COL11A2: variants seen among roughly 807,000 people sequenced by gnomAD.
The protein encoded by COL11A2 is collagen type XI alpha 2 chain.
COL11A2 carries 116 observed loss-of-function variants against 273.4 expected under a neutral mutation model. The ratio of observed to expected loss-of-function variants is 0.42; its 90% CI spans 0.36 to 0.49. COL11A2 has a LOEUF of 0.49. Ranked by LOEUF, COL11A2 falls within the 20% of genes least tolerant of loss-of-function variation. The pLI is 0.00. For missense variants in COL11A2, 1,866 were observed against 2,309.0 expected (o/e 0.81, Z 3.93); for synonymous variants, 782 against 864.2 (o/e 0.90, Z 1.67).
chr6:33,178,005 C>G lies in COL11A2; in HGVS notation c.1872+127G>C, dbSNP rs911862492. ...GAGGCAGGGCAGTGTGGGGCCAGAG[C>G]AGGGGGAGCTCACAGGGAATGGGAA... On this transcript the variant is annotated intron_variant, in intron 21 of 65. Coordinates refer to ENST00000341947, the MANE Select transcript of COL11A2 (RefSeq NM_080680.3). The surrounding 1 kb of genome is among the most constrained non-coding windows in gnomAD (Gnocchi z 4.6). 5 of 1,047,500 alleles carry G rather than the reference C, an allele frequency of 4.8e-6. No homozygotes were observed. In the African/African-American group the frequency reaches 6.3e-5, roughly 13 times the overall value. The allele number at this position is 1,047,500 out of a possible 1,614,324, so 64.9% of individuals were successfully genotyped here. A position where few individuals can be genotyped will look rare whatever the true frequency, so the allele number is the denominator to read the frequency against.
chr6:33,178,906 C>A lies in COL11A2; in HGVS notation c.1665+14G>T. On this transcript the variant is annotated intron_variant, in intron 17 of 65. Transcript: ENST00000341947. This position sits in a 1 kb window ranked among gnomAD's most constrained non-coding sequence, Gnocchi z 4.6. Reference sequence around the variant, plus strand: ...GAAGGCTACAGGCTTCAGGGAGGGGCCCAAGCCTGTTACCTTCACTCCAGG... The same window carrying A: ...GAAGGCTACAGGCTTCAGGGAGGGGACCAAGCCTGTTACCTTCACTCCAGG... The A allele has an allele frequency of 6.2e-7, 1 of 1,613,780 alleles. No individual in the cohort carries two copies. Among genetic ancestry groups the A allele is most frequent in the Non-Finnish European group, 8.5e-7 (1 of 1,179,956 alleles).
Position 33,164,386 on chromosome 6 carries a change from C to T in COL11A2, c.4951G>A (p.Val1651Ile), listed in dbSNP as rs766589324. The T allele has an allele frequency of 1.1e-5, 18 of 1,610,262 alleles. No individual in the cohort carries two copies. The highest frequency in any genetic ancestry group is 2.7e-5 in the African/African-American group (2 of 74,856). Residue 1651 changes from valine to isoleucine, a missense_variant, in exon 65 of 66, where the codon GTC (valine) becomes ATC (isoleucine). Val to Ile is a conservative substitution (Grantham distance 29). Transcript: ENST00000341947. The surrounding 1 kb of genome is among the most constrained non-coding windows in gnomAD (Gnocchi z 4.7). ...RLLSVSAHQD[V>I]SYPCSGAARD... is the part of the protein sequence containing the mutation. ...GCTGCTCCAGAGCAGGGGTAGGAGA[C>T]GTCCTGGTGGGCTGAGACGCTGAGC... is the stretch of plus-strand genomic sequence containing the variant.
intron 5 of COL11A2, 99 bp downstream of exon 5, chr6:33,186,528 G>A: frequency 6.2e-7 from 1 of 1,602,902 alleles, no homozygotes; most frequent in Non-Finnish European, 8.5e-7. Context: ...GATGGGAATA[G>A]GGAGATGAGG....
Position 33,178,526 on chromosome 6 carries a change from C to A in COL11A2, c.1720-38G>T. 6.2e-7 allele frequency: 1 copy of A among 1,612,508 alleles called. No individual in the cohort carries two copies. Among genetic ancestry groups the A allele is most frequent in the Non-Finnish European group, 8.5e-7 (1 of 1,179,586 alleles). On this transcript the variant is annotated intron_variant, in intron 18 of 65. Coordinates refer to ENST00000341947, the MANE Select transcript of COL11A2 (RefSeq NM_080680.3). The surrounding 1 kb of genome is among the most constrained non-coding windows in gnomAD (Gnocchi z 4.6). ...GGAACTCATAAGAGGGGCTTCAGAG[C>A]CCCCAACACAGGCAGACACCGAACC...
chr6:33,167,862 G>T lies in COL11A2; in HGVS notation c.3961-10C>A, dbSNP rs910964654. 3.1e-6 allele frequency: 5 copies of T among 1,612,854 alleles called. No individual in the cohort carries two copies. Among genetic ancestry groups the T allele is most frequent in the Non-Finnish European group, 4.2e-6 (5 of 1,179,954 alleles). On this transcript the variant is annotated splice_polypyrimidine_tract_variant and intron_variant, in intron 54 of 65. Transcript: ENST00000341947. The surrounding 1 kb of genome is among the most constrained non-coding windows in gnomAD (Gnocchi z 6.1). ...GCGAGCCAGCAGGACCCTGCAGGTG[G>T]AGTGGGAAGGAAGAGCACATGAGGC...
intron 42 of COL11A2, 22 bp from the exon 43 acceptor site, chr6:33,171,596 T>A (rs1195721135): frequency 2.5e-6 from 4 of 1,610,046 alleles, no homozygotes; most frequent in East Asian, 2.2e-5. Flanking sequence ...GAGGAAGGAG[T>A]CATGGCCTGG....
Position 33,173,715 on chromosome 6 carries a change from G to T in COL11A2, c.2614C>A (p.Pro872Thr). ...GTSGGDGPHG[P>T]PGERGLPGPQ... ...TCCACACTCACCCTCTCTCCAGGGG[G>T]CCCATGGGGGCCATCACCACCAGAT... The change falls in exon 35 of 66, where the codon CCC becomes ACC. Residue 872 changes from proline (P) to threonine (T), a missense_variant. Coordinates refer to ENST00000341947, the MANE Select transcript of COL11A2 (RefSeq NM_080680.3). This position sits in a 1 kb window ranked among gnomAD's most constrained non-coding sequence, Gnocchi z 6.3. 1 of 1,575,692 alleles carries T rather than the reference G, an allele frequency of 6.3e-7. No individual in the cohort carries two copies. The highest frequency in any genetic ancestry group is 8.6e-7 in the Non-Finnish European group (1 of 1,159,482).
chr6:33,176,977 T>C lies in COL11A2; in HGVS notation c.2070+15A>G. The C allele has an allele frequency of 6.2e-7, 1 of 1,609,012 alleles. No homozygotes were observed. The highest frequency in any genetic ancestry group is 8.5e-7 in the Non-Finnish European group (1 of 1,177,930). On this transcript the variant is annotated intron_variant, in intron 25 of 65. Transcript: ENST00000341947. The surrounding 1 kb of genome is among the most constrained non-coding windows in gnomAD (Gnocchi z 4.9). ...GGCCAAGGGGAACTGGATTCGGAAG[T>C]GGGGTCCCACTCACCGGGGGTCCGT...
At chr6:33,186,161 G>T (rs1460939591) in intron 5 of COL11A2, among the ~76,000 whole-genome samples, 1 of 151,490 alleles carries the variant, frequency 6.6e-6, no homozygotes, top group Non-Finnish European at 1.5e-5. Context: ...CCAGGTAGGT[G>T]GGGGCCAGAG....
chr6:33,175,527 T>C (rs1327089482), intron 30 of COL11A2, 47 bp downstream of exon 30: 7 of 1,553,102 alleles, frequency 4.5e-6, no homozygotes, highest in Non-Finnish European at 6.2e-6. Flanking sequence ...CTGACCCCAG[T>C]GCCCACACCC....
rs1186107859 is a variant in COL11A2 at position 33,163,819 on chromosome 6, C to T, written c.5071-1G>A. ...CCAGCACCGTCCGGCCTTGCTGTGT[C>T]TTCAGGGGGAGACAAGGAAGAAAGT... On this transcript the variant is annotated splice_acceptor_variant, in intron 65 of 65. Transcript: ENST00000341947. LOFTEE classifies it high-confidence loss of function. This position sits in a 1 kb window ranked among gnomAD's most constrained non-coding sequence, Gnocchi z 4.1. The T allele has an allele frequency of 4.3e-6, 7 of 1,612,944 alleles. No individual in the cohort carries two copies. The South Asian group carries it at 6.6e-5, about 15-fold the overall frequency.
In COL11A2 at chr6:33,175,563, C is replaced by T. The variant is rs1562346477; in HGVS notation, c.2376+11G>A. The T allele has an allele frequency of 2.5e-6, 4 of 1,611,360 alleles. No individual in the cohort carries two copies. In the South Asian group the frequency reaches 3.3e-5, roughly 13 times the overall value. On this transcript the variant is annotated intron_variant, in intron 30 of 65. Transcript: ENST00000341947. ...CCAGAGGACCCAGGCACAGAACCCT[C>T]ATCCCATCACCTTCTCGCCCATGAG...
chr6:33,171,408 C>G (rs1770040028), intron 43 of COL11A2, 59 bp downstream of exon 43: 3 of 1,605,724 alleles, frequency 1.9e-6, no homozygotes, highest in African/African-American at 2.7e-5. Flanking sequence ...AGGGGTCATG[C>G]CCAGGTCAGC....
chr6:33,181,282 A>C, intron 8 of COL11A2, 112 bp from the exon 9 acceptor site: 1 of 1,119,012 alleles, frequency 8.9e-7, no homozygotes, highest in South Asian at 1.3e-5. Context: ...AGACCACTTC[A>C]GCCCTACCCG....
At chr6:33,180,194 G>A (rs1771533556) in intron 12 of COL11A2, 64 bp downstream of exon 12, 1 of 1,482,722 alleles carries the variant, frequency 6.7e-7, no homozygotes, top group African/African-American at 1.4e-5. Context: ...TCTGGTTCTT[G>A]GTAACATGAC....
In COL11A2 at chr6:33,170,578, T is replaced by C; in HGVS notation, c.3507A>G (p.Glu1169=). The stretch of plus-strand genomic sequence containing the variant: ...TCACCATAGGACCCACATCTCCTGT[T>C]TCTCCCTTCTCCCCAGAGGGGCCTG... ...GLPGPSGEKG[E]TGDVGPMGPP... is the part of the protein sequence containing the mutation. The change falls in exon 47 of 66, where the codon GAA becomes GAG. Residue 1169 remains glutamate (E), a synonymous_variant. Transcript: ENST00000341947. This position sits in a 1 kb window ranked among gnomAD's most constrained non-coding sequence, Gnocchi z 4.3. 1 of 1,612,296 alleles carries C rather than the reference T, an allele frequency of 6.2e-7. No individual in the cohort carries two copies. The highest frequency in any genetic ancestry group is 8.5e-7 in the Non-Finnish European group (1 of 1,179,800).
Position 33,165,465 on chromosome 6 carries a change from C to T in COL11A2, c.4750+84G>A. 1 of 1,593,002 alleles carries T rather than the reference C, an allele frequency of 6.3e-7. No homozygotes were observed. The highest frequency in any genetic ancestry group is 1.7e-5 in the Admixed American group (1 of 59,964). Reference sequence around the variant, plus strand: ...CCTCACCCTTAACCCAACACCTTCACCAAGACTCCCCCAGCATCCATTCTG... The same window carrying T: ...CCTCACCCTTAACCCAACACCTTCATCAAGACTCCCCCAGCATCCATTCTG... On this transcript the variant is annotated intron_variant, in intron 63 of 65. Transcript: ENST00000341947. This position sits in a 1 kb window ranked among gnomAD's most constrained non-coding sequence, Gnocchi z 7.7.
chr6:33,166,951 G>T lies in COL11A2; in HGVS notation c.4230+119C>A. 2 of 1,518,980 alleles carry T rather than the reference G, an allele frequency of 1.3e-6. No homozygotes were observed. The highest frequency in any genetic ancestry group is 9.0e-7 in the Non-Finnish European group (1 of 1,107,636). 94.1% of individuals were successfully genotyped at this position (1,518,980 alleles called of 1,614,324 possible). A position where few individuals can be genotyped will look rare whatever the true frequency, so the allele number is the denominator to read the frequency against. On this transcript the variant is annotated intron_variant, in intron 58 of 65. Transcript: ENST00000341947. The surrounding 1 kb of genome is among the most constrained non-coding windows in gnomAD (Gnocchi z 4.8). ...CCGTGAGTGGCCCTCACTGAGCAGG[G>T]ACTCCCTGGGACTGGCTGCCGGAGG...
chr6:33,180,091 A>G (rs1417237283), intron 12 of COL11A2, among the ~76,000 whole-genome samples, 167 bp downstream of exon 12: 2 of 152,162 alleles, frequency 1.3e-5, no homozygotes, highest in African/African-American at 4.8e-5. Flanking sequence ...AGGTCACCTA[A>G]TGAGGCCCCA....
Sources: gnomAD v4.1 joint callset for allele counts (sites outside exome capture counted in the v4.1 genomes callset) on GRCh38, gnomAD v4.1.1 for gene constraint, Gnocchi (gnomAD v3.1) non-coding constraint, MANE v1.5 for transcripts, NCBI Gene and HGNC (gene_info 2026-07-23, HGNC 2026-07-21) for gene names.